HDAC7: variants seen among roughly 807,000 people sequenced by gnomAD.
HDAC7 encodes the protein histone deacetylase 7A.
HDAC7 carries 26 observed loss-of-function variants against 115.5 expected under a neutral mutation model. The observed-to-expected ratio is 0.23, with a 90% confidence interval of 0.16 to 0.31. The LOEUF (loss-of-function observed/expected upper bound fraction) is 0.31, where lower values mean the gene tolerates loss of function less well. Ranked by LOEUF, HDAC7 falls within the 10% of genes least tolerant of loss-of-function variation. The probability of loss-of-function intolerance (pLI) is 1.00; values close to 1 mark genes in which losing one functional copy is unlikely to be tolerated. For synonymous variants in HDAC7, 564 were observed against 550.9 expected, an observed-to-expected ratio of 1.02 and a Z score of -0.33; for missense variants, 1,068 against 1,329.0, an observed-to-expected ratio of 0.80 and a Z score of 3.05.
In HDAC7 at chr12:47,798,648, G is replaced by C. The variant is rs1944004208; in HGVS notation, c.263C>G (p.Ser88Cys). The change falls in exon 4 of 26, where the codon TCC becomes TGC. Residue 88 changes from serine to cysteine, a missense_variant. This residue lies in a region of HDAC7 where 161 missense variants were observed against 158.5 expected (regional missense o/e 1.02). Coordinates refer to ENST00000080059, the MANE Select transcript of HDAC7 (RefSeq NM_015401.5). The surrounding 1 kb of genome is among the most constrained non-coding windows in gnomAD (Gnocchi z 4.3). ...CAACTCGGGCATCGGCGTGTCCATG[G>C]AGAGCTGTGGGCAGGGCCGGCAGCC... Reference protein sequence around the residue: ...QQRSVEPMRLSMDTPMPELQV... With the variant: ...QQRSVEPMRLCMDTPMPELQV... 6 of 1,613,062 alleles carry C rather than the reference G, an allele frequency of 3.7e-6. No homozygotes were observed. The highest frequency in any genetic ancestry group is 4.2e-6 in the Non-Finnish European group (5 of 1,179,524).
Position 47,785,859 on chromosome 12 carries a change from T to C in HDAC7, c.2599A>G (p.Met867Val). Residue 867 changes from methionine to valine, a missense_variant, in exon 23 of 26, where the codon ATG becomes GTG. Physicochemically the swap from Met to Val is conservative, Grantham distance 21 (BLOSUM62 1). This residue lies in a region of HDAC7 where 182 missense variants were observed against 301.1 expected (regional missense o/e 0.60). Transcript: ENST00000080059. ...ACCACTGCGCCTCCTGCCAGGTTCA[T>C]CAGTTGCTGCGTCATGTATCCAAAA... is the stretch of plus-strand genomic sequence containing the variant. Reference protein sequence around the residue: ...KCFGYMTQQLMNLAGGAVVLA... With the variant: ...KCFGYMTQQLVNLAGGAVVLA... 6.2e-7 allele frequency: 1 copy of C among 1,609,388 alleles called. No individual in the cohort carries two copies. Among genetic ancestry groups the C allele is most frequent in the Non-Finnish European group, 8.5e-7 (1 of 1,177,614 alleles).
At chr12:47,788,987 A>C in intron 19 of HDAC7, 1 of 443,858 alleles carries the variant, frequency 2.3e-6, no homozygotes, top group East Asian at 3.8e-5. Flanking sequence ...AGATCTGCCA[A>C]AAGAAGCCAA....
At position 47,791,326 on chromosome 12, in the gene HDAC7, GC is replaced by G; in HGVS notation, c.1934-19del. The G allele has an allele frequency of 6.4e-7, 1 of 1,564,948 alleles. No individual in the cohort carries two copies. Reference sequence around the variant, plus strand: ...CAGGAGCCCTGCGGGGAGAGGCCCAGCCCACGTCAGCGTGAATACTCTCAGC... The same window carrying G: ...CAGGAGCCCTGCGGGGAGAGGCCCAGCCACGTCAGCGTGAATACTCTCAGC... On this transcript the variant is annotated intron_variant, in intron 15 of 25. Transcript: ENST00000080059.
In HDAC7 at chr12:47,783,041, G is replaced by C. The variant is rs924490233; in HGVS notation, c.*800C>G. On this transcript the variant is annotated 3_prime_UTR_variant, in exon 26 of 26. Transcript: ENST00000080059. ...GTGGGGTGGGAATCAGAGCTATGGTGGGGGAGGCCCCAGAAACAGAGAAGG... is the reference window on the plus strand; with the variant it reads ...GTGGGGTGGGAATCAGAGCTATGGTCGGGGAGGCCCCAGAAACAGAGAAGG... 2.6e-5 allele frequency: 4 copies of C among 152,650 alleles called. No homozygotes were observed. The highest frequency in any genetic ancestry group is 9.7e-5 in the African/African-American group (4 of 41,434). The allele number at this position is 152,650 out of a possible 1,614,324, so 9.5% of individuals were successfully genotyped here.
At chr12:47,792,311 A>C (rs1943575155) in intron 13 of HDAC7, 1 of 445,012 alleles carries the variant, frequency 2.2e-6, no homozygotes, top group Admixed American at 4.0e-5. Context: ...TGGGTGGCCC[A>C]GGACTCGAGG....
At chr12:47,791,145 G>A (rs1176478759) in intron 16 of HDAC7, 114 bp downstream of exon 16, 6 of 1,061,606 alleles carry the variant, frequency 5.7e-6, no homozygotes, top group South Asian at 1.4e-5. Flanking sequence ...GGCTCACCCT[G>A]TCTGGCAGAA....
chr12:47,819,794 C>T lies in HDAC7; in HGVS notation c.-9G>A. Reference sequence around the variant, plus strand: ...GCGCCGGGGCTGTGCATCCAGGGGCCGGGGCCCTCAGAGCGGGGGGCTCAT... The same window carrying T: ...GCGCCGGGGCTGTGCATCCAGGGGCTGGGGCCCTCAGAGCGGGGGGCTCAT... On this transcript the variant is annotated 5_prime_UTR_variant, in exon 1 of 26. Transcript: ENST00000080059. 1 of 426,046 alleles carries T rather than the reference C, an allele frequency of 2.3e-6. No homozygotes were observed. Among genetic ancestry groups the T allele is most frequent in the Non-Finnish European group, 3.0e-6 (1 of 336,832 alleles). The allele number at this position is 426,046 out of a possible 1,614,324, so 26.4% of individuals were successfully genotyped here.
intron 1 of HDAC7, 50 bp downstream of exon 1, chr12:47,819,717 G>C: frequency 1.7e-6 from 1 of 588,682 alleles, no homozygotes; most frequent in Non-Finnish European, 2.2e-6. Context: ...GGCGGGCGAC[G>C]CTGGGTGCCG....
intron 7 of HDAC7, 90 bp downstream of exon 7, chr12:47,796,926 AG>A: frequency 7.1e-7 from 1 of 1,418,308 alleles, no homozygotes; most frequent in Non-Finnish European, 9.3e-7. Context: ...AGTCCTAAGG[AG>A]GGGACCCCTG....
chr12:47,810,951 T>G (rs1432651012), intron 1 of HDAC7, among the ~76,000 whole-genome samples: 1 of 152,054 alleles, frequency 6.6e-6, no homozygotes, highest in Non-Finnish European at 1.5e-5. Context: ...GGCCACTTTC[T>G]GGGGACTAGG....
At position 47,795,245 on chromosome 12, in the gene HDAC7, G is replaced by T. The variant is rs1018365012; in HGVS notation, c.1223C>A (p.Pro408Gln). 6.2e-7 allele frequency: 1 copy of T among 1,612,286 alleles called. No individual in the cohort carries two copies. Among genetic ancestry groups the T allele is most frequent in the Non-Finnish European group, 8.5e-7 (1 of 1,178,852 alleles). ...EPLPPSATAP[P>Q]PPGPMQPRLE... ...GCGGGGCTGCATGGGGCCCGGCGGT[G>T]GGGGAGCGGTGGCACTGGGGGGCAG... The change falls in exon 11 of 26, where the codon CCA becomes CAA. Residue 408 changes from proline to glutamine, a missense_variant. Physicochemically the swap from Pro to Gln is moderately conservative, Grantham distance 76 (BLOSUM62 -1). Around this residue, in one of 6 missense-constraint regions of HDAC7, gnomAD observed 618 missense variants for 701.5 expected, o/e 0.88. Transcript: ENST00000080059. This position sits in a 1 kb window ranked among gnomAD's most constrained non-coding sequence, Gnocchi z 4.3.
chr12:47,791,382 G>A (rs73107969), intron 15 of HDAC7, 74 bp from the exon 16 acceptor site: 308,240 of 1,460,324 alleles, frequency 0.21, 36,394 homozygotes, highest in Non-Finnish European at 0.24. Flanking sequence ...AGGGAGCCCA[G>A]AGAGCAGGGC....
At position 47,797,859 on chromosome 12, in the gene HDAC7, T is replaced by G. The variant is rs1451870239; in HGVS notation, c.461+249A>C. Reference sequence around the variant, plus strand: ...GTGCAAGAAAAAAGCCAGTAGGGTGTGTGTGTGTGTGTGTGTGTGTGTGTG... The same window carrying G: ...GTGCAAGAAAAAAGCCAGTAGGGTGGGTGTGTGTGTGTGTGTGTGTGTGTG... On this transcript the variant is annotated intron_variant, in intron 5 of 25. Coordinates refer to ENST00000080059, the MANE Select transcript of HDAC7 (RefSeq NM_015401.5). This position sits in a 1 kb window ranked among gnomAD's most constrained non-coding sequence, Gnocchi z 5.5. Among the ~76,000 whole-genome samples, 4 of 124,938 alleles carry G rather than the reference T, an allele frequency of 3.2e-5. No homozygotes were observed. The highest frequency in any genetic ancestry group is 1.6e-4 in the African/African-American group (4 of 25,036). The allele number at this position is 124,938 out of a possible 152,430, so 82.0% of individuals were successfully genotyped here.
chr12:47,786,813 G>C (rs543138688), intron 21 of HDAC7, 110 bp from the exon 22 acceptor site: 11 of 770,482 alleles, frequency 1.4e-5, no homozygotes, highest in Middle Eastern at 2.4e-4. Context: ...GGCTCCCAGT[G>C]CCCCAGCACA....
chr12:47,791,518 G>A (rs1269152386), intron 15 of HDAC7, 68 bp downstream of exon 15: 54 of 1,540,336 alleles, frequency 3.5e-5, no homozygotes, highest in East Asian at 7.2e-5. Context: ...GGGCAGAGCC[G>A]AGACAGGAGT....
At position 47,803,820 on chromosome 12, in the gene HDAC7, C is replaced by A. The variant is rs1715835377; in HGVS notation, c.20-1546G>T. On this transcript the variant is annotated intron_variant, in intron 1 of 25. Coordinates refer to ENST00000080059, the MANE Select transcript of HDAC7 (RefSeq NM_015401.5). This position sits in a 1 kb window ranked among gnomAD's most constrained non-coding sequence, Gnocchi z 4.0. ...AGGTGGTGGGCCTCAGAGGCAAACT[C>A]CCCTCCCCACGACATGGTAACCCCC... Among the ~76,000 whole-genome samples, 1 of 152,214 alleles carries A rather than the reference C, an allele frequency of 6.6e-6. No homozygotes were observed. The highest frequency in any genetic ancestry group is 2.4e-5 in the African/African-American group (1 of 41,456).
chr12:47,805,263 T>G (rs1944350819), intron 1 of HDAC7, among the ~76,000 whole-genome samples: 1 of 151,780 alleles, frequency 6.6e-6, no homozygotes, highest in African/African-American at 2.4e-5. Context: ...TTTGTTGTTT[T>G]TTTTTTTGTA....
intron 23 of HDAC7, 49 bp downstream of exon 23, chr12:47,785,703 G>C: frequency 6.4e-7 from 1 of 1,567,518 alleles, no homozygotes; most frequent in African/African-American, 1.3e-5. Flanking sequence ...CCTGAGAGCC[G>C]GGCTTACCTG....
rs947170832 is a variant in HDAC7 at position 47,795,454 on chromosome 12, G to A, written c.1088-74C>T. 31 of 1,401,112 alleles carry A rather than the reference G, an allele frequency of 2.2e-5. No individual in the cohort carries two copies. Among genetic ancestry groups the A allele is most frequent in the Non-Finnish European group, 2.7e-5 (27 of 1,014,120 alleles). 86.8% of individuals were successfully genotyped at this position (1,401,112 alleles called of 1,614,324 possible). ...GGAAGGAAGCGAGGGTATAGGGTGG[G>A]GGGCCAGGGTGCAGCAGGGCAATGC... On this transcript the variant is annotated intron_variant, in intron 10 of 25. Transcript: ENST00000080059. This position sits in a 1 kb window ranked among gnomAD's most constrained non-coding sequence, Gnocchi z 4.3.
Sources: allele counts gnomAD v4.1 joint callset (sites outside exome capture counted in the v4.1 genomes callset), GRCh38; gene constraint gnomAD v4.1.1; regional missense constraint gnomAD v4.1.1; non-coding constraint Gnocchi (gnomAD v3.1); transcripts MANE v1.5; gene names NCBI Gene and HGNC (gene_info 2026-07-23, HGNC 2026-07-21).